The following COG3 variants were observed in gnomAD, a reference collection of about 807,000 sequenced individuals.
COG3 encodes the protein conserved oligomeric Golgi complex subunit 3.
COG3 carries 32 observed loss-of-function variants against 114.1 expected under a neutral mutation model. The ratio of observed to expected loss-of-function variants is 0.28; its 90% confidence interval spans 0.21 to 0.38. COG3 has a LOEUF of 0.38. Ranked by LOEUF, COG3 falls within the 10% of genes least tolerant of loss-of-function variation. The pLI is 1.00. For synonymous variants in COG3, 352 were observed against 365.7 expected, an observed-to-expected ratio of 0.96 and a Z score of 0.43; for missense variants, 813 against 973.2, an observed-to-expected ratio of 0.84 and a Z score of 2.19.
chr13:45,521,981 T>A (rs1351067573), intron 19 of COG3, among the ~76,000 whole-genome samples: 2 of 152,142 alleles, frequency 1.3e-5, no homozygotes, highest in South Asian at 4.1e-4. Context: ...ATTTATGTAT[T>A]TTTTGTAGAG....
At chr13:45,510,542 A>C (rs964366890) in intron 15 of COG3, among the ~76,000 whole-genome samples, 9 of 152,210 alleles carry the variant, frequency 5.9e-5, no homozygotes, top group Non-Finnish European at 1.0e-4. Context: ...CAGTGGAGTC[A>C]GGATCCCAAG....
intron 1 of COG3, among the ~76,000 whole-genome samples, chr13:45,470,961 A>G (rs1885437748): frequency 6.6e-6 from 1 of 152,256 alleles, no homozygotes; most frequent in Admixed American, 6.5e-5. Context: ...CCAGTGAGCC[A>G]CATACTTTTG....
intron 16 of COG3, among the ~76,000 whole-genome samples, chr13:45,512,815 A>G (rs1871017890): frequency 6.6e-6 from 1 of 152,012 alleles, no homozygotes; most frequent in Admixed American, 6.6e-5. Context: ...GGATCTCACC[A>G]TGTTGCACAG....
intron 4 of COG3, among the ~76,000 whole-genome samples, 157 bp downstream of exon 4, chr13:45,480,447 A>C (rs989504662): frequency 3.3e-5 from 5 of 152,194 alleles, no homozygotes; most frequent in Non-Finnish European, 7.4e-5. Flanking sequence ...CTGACAGCCT[A>C]CTTTTTAAGT....
chr13:45,496,713 G>A (rs534994922), intron 13 of COG3, among the ~76,000 whole-genome samples: 2 of 151,696 alleles, frequency 1.3e-5, no homozygotes, highest in African/African-American at 4.8e-5. Flanking sequence ...TTGCTCTGTC[G>A]CCCAGGCTGG....
intron 1 of COG3, among the ~76,000 whole-genome samples, chr13:45,467,047 G>C (rs1885185376): frequency 6.6e-6 from 1 of 152,348 alleles, no homozygotes. Context: ...AATCAGATAG[G>C]ATGGTGTGAC....
rs142472462 is a variant in COG3 at position 45,502,448 on chromosome 13, A to G, written c.1489-796A>G. 3.9e-3 allele frequency among the ~76,000 whole-genome samples: 591 copies of G among 152,234 alleles called. 2 individuals carry two copies. The highest frequency in any genetic ancestry group is 0.014 in the African/African-American group (574 of 41,520). Reference sequence around the variant, plus strand: ...TTTTGGCTTAAGGGTAACCACTTGCAGTAAATATGCTTACTGTGATTTTCT... The same window carrying G: ...TTTTGGCTTAAGGGTAACCACTTGCGGTAAATATGCTTACTGTGATTTTCT... On this transcript the variant is annotated intron_variant, in intron 13 of 22. Transcript: ENST00000349995.
At chr13:45,494,908 C>T (rs1222260551) in intron 12 of COG3, among the ~76,000 whole-genome samples, 4 of 143,576 alleles carry the variant, frequency 2.8e-5, no homozygotes, top group African/African-American at 7.7e-5. Context: ...TGCAGTGGCG[C>T]GATCTCGGCT....
chr13:45,531,504 G>T (rs1566276206), intron 22 of COG3, among the ~76,000 whole-genome samples: 1 of 149,480 alleles, frequency 6.7e-6, no homozygotes, highest in Non-Finnish European at 1.5e-5. Flanking sequence ...TAAATCTTGT[G>T]TTTTTGTTTT....
At position 45,534,768 on chromosome 13, in the gene COG3, G is replaced by GGGA; in HGVS notation, c.*42_*44dup. ...GGGCTGTGCACCTAAATGTCTGTCT[G>GGGA]GGAGGAGCAGGCTGAGAAGTCTTGC... is the stretch of plus-strand genomic sequence containing the variant. On this transcript the variant is annotated 3_prime_UTR_variant, in exon 23 of 23. Transcript: ENST00000349995. The GGGA allele has an allele frequency of 6.5e-7, 1 of 1,543,344 alleles. No homozygotes were observed. The highest frequency in any genetic ancestry group is 8.7e-7 in the Non-Finnish European group (1 of 1,144,476).
At chr13:45,497,553 G>A (rs1039034611) in intron 13 of COG3, among the ~76,000 whole-genome samples, 3 of 152,130 alleles carry the variant, frequency 2.0e-5, no homozygotes, top group African/African-American at 7.2e-5. Context: ...AGAGGCCGAG[G>A]CGGGAGGATC....
chr13:45,496,037 C>A, intron 12 of COG3, 115 bp from the exon 13 acceptor site: 1 of 905,678 alleles, frequency 1.1e-6, no homozygotes, highest in Non-Finnish European at 1.6e-6. Context: ...CAATCACAGC[C>A]TCTGAAGCAA....
intron 1 of COG3, among the ~76,000 whole-genome samples, chr13:45,469,831 A>T (rs1885359871): frequency 6.6e-6 from 1 of 152,172 alleles, no homozygotes; most frequent in African/African-American, 2.4e-5. Flanking sequence ...AATTATATTC[A>T]TATATTTTGA....
At chr13:45,483,448 T>G in intron 7 of COG3, 93 bp downstream of exon 7, 1 of 1,023,992 alleles carries the variant, frequency 9.8e-7, no homozygotes, top group Non-Finnish European at 1.4e-6. Flanking sequence ...TAGTACTTTG[T>G]AATTCCAAAA....
At chr13:45,506,078 T>A (rs75129465) in intron 14 of COG3, among the ~76,000 whole-genome samples, 2 of 137,336 alleles carry the variant, frequency 1.5e-5, no homozygotes, top group Non-Finnish European at 1.6e-5. Context: ...TCTACTTTTT[T>A]AAAATGTGAC....
chr13:45,470,874 C>A (rs935793539), intron 1 of COG3, among the ~76,000 whole-genome samples: 1 of 152,222 alleles, frequency 6.6e-6, no homozygotes, highest in Non-Finnish European at 1.5e-5. Context: ...TTATGACTTT[C>A]TGACTTTATG....
At chr13:45,524,139 A>G (rs1200118580) in intron 19 of COG3, among the ~76,000 whole-genome samples, 1 of 152,104 alleles carries the variant, frequency 6.6e-6, no homozygotes, top group African/African-American at 2.4e-5. Flanking sequence ...GTCTGCCTAA[A>G]TGTTTGTATG....
chr13:45,499,463 G>A (rs1466717125), intron 13 of COG3, among the ~76,000 whole-genome samples: 2 of 152,184 alleles, frequency 1.3e-5, no homozygotes, highest in African/African-American at 4.8e-5. Context: ...GCCCATGTAA[G>A]TTTGCCATTT....
At chr13:45,467,146 C>T (rs991486909) in intron 1 of COG3, among the ~76,000 whole-genome samples, 2 of 152,132 alleles carry the variant, frequency 1.3e-5, no homozygotes, top group African/African-American at 2.4e-5. Context: ...TGATGGACTA[C>T]CTGAAGCTAG....
Sources: allele counts gnomAD v4.1 joint callset (sites outside exome capture counted in the v4.1 genomes callset), GRCh38; gene constraint gnomAD v4.1.1; transcripts MANE v1.5; gene names NCBI Gene and HGNC (gene_info 2026-07-23, HGNC 2026-07-21).